XIRP2: variants seen among roughly 807,000 people sequenced by gnomAD.
XIRP2 encodes the protein xin actin-binding repeat-containing protein 2.
XIRP2 carries 236 observed loss-of-function variants against 277.0 expected under a neutral mutation model. The ratio of observed to expected loss-of-function variants is 0.85; its 90% CI spans 0.77 to 0.95. The LOEUF (loss-of-function observed/expected upper bound fraction) is 0.95, where lower values mean the gene tolerates loss of function less well. Ranked by LOEUF, XIRP2 falls within the 40% of genes least tolerant of loss-of-function variation. The probability of loss-of-function intolerance (pLI) is 0.00; values close to 1 mark genes in which losing one functional copy is unlikely to be tolerated. For missense variants in XIRP2, 4,640 were observed against 4,157.5 expected (o/e 1.12, Z -3.19); for synonymous variants, 1,490 against 1,416.5 (o/e 1.05, Z -1.17).
chr2:166,905,525 T>C (rs1435959452), intron 2 of XIRP2, among the ~76,000 whole-genome samples: 3 of 151,990 alleles, frequency 2.0e-5, no homozygotes, highest in Non-Finnish European at 4.4e-5. Context: ...AAGAACCAGA[T>C]ATATTAAAAC....
chr2:166,966,039 T>G (rs929894920), intron 2 of XIRP2, among the ~76,000 whole-genome samples: 6 of 151,942 alleles, frequency 3.9e-5, no homozygotes, highest in African/African-American at 1.4e-4. Context: ...TATTAATAAC[T>G]TGAGTCAATG....
At chr2:166,912,632 T>C (rs1684742108) in intron 2 of XIRP2, among the ~76,000 whole-genome samples, 1 of 152,240 alleles carries the variant, frequency 6.6e-6, no homozygotes, top group South Asian at 2.1e-4. Flanking sequence ...TCCATCCAGC[T>C]TTGTTCTGTT....
intron 2 of XIRP2, among the ~76,000 whole-genome samples, chr2:166,998,242 A>G (rs1687276825): frequency 6.6e-6 from 1 of 152,204 alleles, no homozygotes; most frequent in Non-Finnish European, 1.5e-5. Context: ...TGTACTGCAC[A>G]TGTATCCCAG....
At chr2:167,007,300 C>G (rs1025551142) in intron 2 of XIRP2, among the ~76,000 whole-genome samples, 8 of 151,414 alleles carry the variant, frequency 5.3e-5, no homozygotes, top group Non-Finnish European at 1.0e-4. Context: ...TGGAAAAGAA[C>G]AAAATATTTT....
intron 4 of XIRP2, among the ~76,000 whole-genome samples, chr2:167,213,160 A>G (rs1444829889): frequency 1.3e-5 from 2 of 152,194 alleles, no homozygotes; most frequent in South Asian, 2.1e-4. Flanking sequence ...GTGGTGGTCT[A>G]TAGAAGCCCC....
Position 167,258,965 on chromosome 2 carries a change from G to T in XIRP2, c.*1148G>T. Reference sequence around the variant, plus strand: ...ACCAAGCCTCAGCAGAGGCCTTATGGTAAAGGGGGGAAGTTCAATCATCTC... The same window carrying T: ...ACCAAGCCTCAGCAGAGGCCTTATGTTAAAGGGGGGAAGTTCAATCATCTC... On this transcript the variant is annotated 3_prime_UTR_variant, in exon 11 of 11. Transcript: ENST00000409195. 1 of 1,612,528 alleles carries T rather than the reference G, an allele frequency of 6.2e-7. No homozygotes were observed. The highest frequency in any genetic ancestry group is 1.3e-5 in the African/African-American group (1 of 74,950).
At chr2:167,241,180 G>A (rs1028721891) in intron 7 of XIRP2, among the ~76,000 whole-genome samples, 1 of 152,048 alleles carries the variant, frequency 6.6e-6, no homozygotes, top group Admixed American at 6.6e-5. Flanking sequence ...GCACAAGACT[G>A]GACATAGTTT....
intron 2 of XIRP2, among the ~76,000 whole-genome samples, chr2:167,084,784 G>C (rs1479071989): frequency 6.7e-6 from 1 of 149,632 alleles, no homozygotes; most frequent in Admixed American, 6.6e-5. Flanking sequence ...GATCGGTGGT[G>C]ATATCCCCTT....
chr2:166,938,688 A>T (rs1466193764), intron 2 of XIRP2, among the ~76,000 whole-genome samples: 1 of 152,162 alleles, frequency 6.6e-6, no homozygotes, highest in Non-Finnish European at 1.5e-5. Context: ...TAATGTTGAC[A>T]GTGGGGTTTT....
chr2:167,132,848 C>T (rs1036946457), intron 2 of XIRP2, among the ~76,000 whole-genome samples: 8 of 152,166 alleles, frequency 5.3e-5, no homozygotes, highest in Non-Finnish European at 1.0e-4. Flanking sequence ...TGAGTTAATT[C>T]CCCCATTAAG....
chr2:167,195,294 C>T (rs1693466528), intron 3 of XIRP2, among the ~76,000 whole-genome samples: 1 of 152,210 alleles, frequency 6.6e-6, no homozygotes, highest in African/African-American at 2.4e-5. Context: ...ACCATCTCAA[C>T]CCTAATGACT....
At chr2:167,129,277 C>T (rs1321219084) in intron 2 of XIRP2, among the ~76,000 whole-genome samples, 2 of 152,042 alleles carry the variant, frequency 1.3e-5, no homozygotes, top group Non-Finnish European at 2.9e-5. Flanking sequence ...GGAGTGTACA[C>T]GAGCTAGCTC....
At chr2:167,039,637 G>C (rs1163220185) in intron 2 of XIRP2, among the ~76,000 whole-genome samples, 3 of 152,162 alleles carry the variant, frequency 2.0e-5, no homozygotes, top group Admixed American at 6.6e-5. Context: ...TGGGAAATAG[G>C]AGTTGAAGTG....
chr2:167,025,571 T>G lies in XIRP2; in HGVS notation c.409-110338T>G, dbSNP rs532774011. Among the ~76,000 whole-genome samples the G allele has an allele frequency of 2.0e-5, 3 of 151,960 alleles. No homozygotes were observed. The East Asian group carries it at 5.9e-4, about 30-fold the overall frequency. ...TAGGGTGTCAATTTTGGATCTTTCC[T>G]GCTTTCTCTTGTGGGCATTTAGTGC... On this transcript the variant is annotated intron_variant, in intron 2 of 10. Transcript: ENST00000409195.
intron 5 of XIRP2, among the ~76,000 whole-genome samples, chr2:167,220,638 T>C (rs1694394589): frequency 6.6e-6 from 1 of 152,180 alleles, no homozygotes; most frequent in South Asian, 2.1e-4. Flanking sequence ...GTAAGAATCA[T>C]TTTCCCAGAA....
In XIRP2 at chr2:167,181,039, C is replaced by T. The variant is rs554059854; in HGVS notation, c.563-29696C>T. On this transcript the variant is annotated intron_variant, in intron 3 of 10. Coordinates refer to ENST00000409195, the MANE Select transcript of XIRP2 (RefSeq NM_152381.6). ...AAACTTCCTTTTGTATGGTACAAACCATGAAATATTACAGAGTTCCACCAT... is the reference window on the plus strand; with the variant it reads ...AAACTTCCTTTTGTATGGTACAAACTATGAAATATTACAGAGTTCCACCAT... Among the ~76,000 whole-genome samples the T allele has an allele frequency of 2.6e-5, 4 of 152,276 alleles. No homozygotes were observed. The East Asian group carries it at 7.7e-4, about 29-fold the overall frequency.
intron 3 of XIRP2, among the ~76,000 whole-genome samples, chr2:167,201,428 A>T (rs531518432): frequency 1.3e-5 from 2 of 151,816 alleles, no homozygotes; most frequent in African/African-American, 4.9e-5. Flanking sequence ...GGATTTAGAC[A>T]AGGGGACATT....
At position 167,240,737 on chromosome 2, in the gene XIRP2, G is replaced by C. The variant is rs755784552; in HGVS notation, c.1042+1G>C. 1 of 1,612,454 alleles carries C rather than the reference G, an allele frequency of 6.2e-7. No homozygotes were observed. Among genetic ancestry groups the C allele is most frequent in the Admixed American group, 1.7e-5 (1 of 60,002 alleles). On this transcript the variant is annotated splice_donor_variant, in intron 7 of 10. Coordinates refer to ENST00000409195, the MANE Select transcript of XIRP2 (RefSeq NM_152381.6). LOFTEE classifies it high-confidence loss of function. The stretch of plus-strand genomic sequence containing the variant: ...TTTCATCAATATGTTCAAGAAACTG[G>C]TAAGAGTCTGGTATTATTGGTTCCA...
intron 2 of XIRP2, among the ~76,000 whole-genome samples, chr2:167,074,780 C>T (rs1182249265): frequency 6.6e-6 from 1 of 152,072 alleles, no homozygotes; most frequent in Admixed American, 6.5e-5. Context: ...GCTGGGACTA[C>T]AGGCACCAGC....
Sources: allele counts gnomAD v4.1 joint callset (sites outside exome capture counted in the v4.1 genomes callset), GRCh38; gene constraint gnomAD v4.1.1; transcripts MANE v1.5; gene names NCBI Gene and HGNC (gene_info 2026-07-23, HGNC 2026-07-21).